Variants in SPATA6 observed in about 807,000 individuals in gnomAD.
SPATA6 encodes the protein spermatogenesis associated 6, also known as spermatogenesis-associated protein 6.
Under a neutral mutation model 65.3 loss-of-function variants are expected in SPATA6, and 56 were observed. That is an observed-to-expected ratio of 0.86 (90% CI 0.69 to 1.07). The LOEUF (loss-of-function observed/expected upper bound fraction) is 1.07, where lower values mean the gene tolerates loss of function less well. Among genes scored for constraint, SPATA6 ranks in the 50% least tolerant of loss-of-function variants. The probability of loss-of-function intolerance (pLI) is 0.00; values close to 1 mark genes in which losing one functional copy is unlikely to be tolerated. For missense variants in SPATA6, 590 were observed against 594.8 expected (o/e 0.99, Z 0.08); for synonymous variants, 199 against 213.2 (o/e 0.93, Z 0.58).
intron 3 of SPATA6, among the ~76,000 whole-genome samples, chr1:48,438,749 C>CT (rs1655181462): frequency 6.6e-6 from 1 of 152,182 alleles, no homozygotes; most frequent in African/African-American, 2.4e-5. Flanking sequence ...CTAAAAACCA[C>CT]TCCCTGTCTC....
chr1:48,399,168 A>C, intron 7 of SPATA6, 183 bp downstream of exon 7: 1 of 656,802 alleles, frequency 1.5e-6, no homozygotes, highest in Non-Finnish European at 2.5e-6. Context: ...TCAGGTCTGA[A>C]GACTGAAAAA....
chr1:48,384,014 A>G (rs1022433233), intron 9 of SPATA6, among the ~76,000 whole-genome samples: 1 of 151,276 alleles, frequency 6.6e-6, no homozygotes, highest in Non-Finnish European at 1.5e-5. Flanking sequence ...CAGCGAGCGG[A>G]GATCACGCCA....
chr1:48,292,058 C>A (rs891883183), downstream of SPATA6, among the ~76,000 whole-genome samples: 2 of 152,172 alleles, frequency 1.3e-5, no homozygotes, highest in African/African-American at 4.8e-5. Flanking sequence ...CTCATGAATA[C>A]CCATTTCTTT....
the SPATA6 span, among the ~76,000 whole-genome samples, chr1:48,278,640 C>T: frequency 1.3e-5 from 2 of 152,014 alleles, no homozygotes; most frequent in Middle Eastern, 3.2e-3. Context: ...GGAAAAAGAA[C>T]AAAAAGAAAT....
chr1:48,368,789 T>C (rs1647124763), intron 9 of SPATA6, among the ~76,000 whole-genome samples: 1 of 152,224 alleles, frequency 6.6e-6, no homozygotes, highest in Non-Finnish European at 1.5e-5. Context: ...ACTTCTTCTC[T>C]CAACTCGTCA....
intron 1 of SPATA6, among the ~76,000 whole-genome samples, chr1:48,467,193 G>T (rs1468847788): frequency 6.6e-6 from 1 of 151,998 alleles, no homozygotes; most frequent in Non-Finnish European, 1.5e-5. Flanking sequence ...GCTCTGTTGG[G>T]CAACATAAAA....
chr1:48,452,956 TTTTG>T (rs1656706817), intron 2 of SPATA6, 34 bp downstream of exon 2: 1 of 1,594,480 alleles, frequency 6.3e-7, no homozygotes, highest in Admixed American at 1.8e-5. Flanking sequence ...CACTTTGATG[TTTTG>T]TTTGTTAATA....
At chr1:48,451,999 C>T (rs557581416) in intron 2 of SPATA6, among the ~76,000 whole-genome samples, 1 of 152,164 alleles carries the variant, frequency 6.6e-6, no homozygotes, top group Non-Finnish European at 1.5e-5. Flanking sequence ...CCTTCTCTGA[C>T]CACCTTTTAA....
intron 10 of SPATA6, 125 bp downstream of exon 10, chr1:48,359,461 A>T: frequency 9.1e-7 from 1 of 1,103,696 alleles, no homozygotes; most frequent in Non-Finnish European, 1.3e-6. Flanking sequence ...AACAAAAACA[A>T]TTTAAGCCTT....
chr1:48,383,135 A>AC (rs1385447978), intron 9 of SPATA6, among the ~76,000 whole-genome samples: 23 of 10,490 alleles, frequency 2.2e-3, no homozygotes, highest in African/African-American at 6.2e-3. Context: ...CGGGGGGCTG[A>AC]CCCCCCACCT....
At chr1:48,276,048 C>T in the SPATA6 span, among the ~76,000 whole-genome samples, 10 of 152,208 alleles carry the variant, frequency 6.6e-5, no homozygotes, top group South Asian at 2.1e-4. Context: ...CGACTTCTTT[C>T]TGATTTAGTC....
At chr1:48,369,042 A>T (rs995774803) in intron 9 of SPATA6, among the ~76,000 whole-genome samples, 3 of 151,976 alleles carry the variant, frequency 2.0e-5, no homozygotes, top group African/African-American at 7.3e-5. Flanking sequence ...GGTCTGTTGG[A>T]GTTTGCTAGA....
chr1:48,436,762 G>T, intron 3 of SPATA6: 1 of 1,614,208 alleles, frequency 6.2e-7, no homozygotes, highest in African/African-American at 1.3e-5. Context: ...CAGTGGGCAG[G>T]TGCCTTTCCA....
chr1:48,424,470 C>G (rs1011718556), intron 3 of SPATA6, among the ~76,000 whole-genome samples: 1 of 151,622 alleles, frequency 6.6e-6, no homozygotes, highest in Non-Finnish European at 1.5e-5. Flanking sequence ...ATCTCTTTGA[C>G]ATACTGTTAG....
chr1:48,396,518 T>C (rs535828359), intron 7 of SPATA6, among the ~76,000 whole-genome samples: 1 of 150,938 alleles, frequency 6.6e-6, no homozygotes, highest in African/African-American at 2.4e-5. Context: ...GCAACCCAAG[T>C]GTCTATCAAG....
chr1:48,311,483 A>C (rs1645206249), intron 11 of SPATA6, among the ~76,000 whole-genome samples: 1 of 152,194 alleles, frequency 6.6e-6, no homozygotes. Flanking sequence ...TAGAAAGATA[A>C]AAACTATTTA....
At position 48,426,572 on chromosome 1, in the gene SPATA6, T is replaced by G. The variant is rs138526119; in HGVS notation, c.239-13421A>C. Among the ~76,000 whole-genome samples the G allele has an allele frequency of 1.3e-4, 20 of 152,266 alleles. No individual in the cohort carries two copies. The East Asian group carries it at 3.9e-3, about 29-fold the overall frequency. On this transcript the variant is annotated intron_variant, in intron 3 of 12. Transcript: ENST00000371847. ...AAGCAAGTCACCACACTTTGAACAC[T>G]ACATACGGAAGCTCTTTGAAGTTAA... is the stretch of plus-strand genomic sequence containing the variant.
intron 11 of SPATA6, among the ~76,000 whole-genome samples, chr1:48,341,699 A>G (rs1006951975): frequency 6.6e-6 from 1 of 152,214 alleles, no homozygotes; most frequent in African/African-American, 2.4e-5. Context: ...GTAAGAACTA[A>G]TCTTCTATTC....
chr1:48,467,643 T>C (rs1657910698), intron 1 of SPATA6, among the ~76,000 whole-genome samples: 1 of 151,938 alleles, frequency 6.6e-6, no homozygotes, highest in Non-Finnish European at 1.5e-5. Flanking sequence ...ACAGTAAACA[T>C]ACAGAATGGA....
Sources: gnomAD v4.1 joint callset for allele counts (sites outside exome capture counted in the v4.1 genomes callset) on GRCh38, gnomAD v4.1.1 for gene constraint, MANE v1.5 for transcripts, NCBI Gene and HGNC (gene_info 2026-07-23, HGNC 2026-07-21) for gene names.